Variants in COMMD5 observed in about 807,000 individuals in gnomAD.
COMMD5 encodes the protein COMM domain containing 5.
Under a neutral mutation model 6.9 loss-of-function variants are expected in COMMD5, and 10 were observed. The ratio of observed to expected loss-of-function variants is 1.44; its 90% CI spans 0.89 to 2.45. COMMD5 has a LOEUF of 2.45. COMMD5 is among the 30% of genes most tolerant of loss of function. The pLI, the probability that COMMD5 is intolerant of heterozygous loss-of-function variation, is 0.00. For missense variants in COMMD5, 234 were observed against 287.8 expected, an observed-to-expected ratio of 0.81 and a Z score of 1.35; for synonymous variants, 127 against 125.3, an observed-to-expected ratio of 1.01 and a Z score of -0.09.
chr8:144,845,958 G>C (rs906236410), downstream of COMMD5: 86 of 1,535,552 alleles, frequency 5.6e-5, no homozygotes, highest in Admixed American at 3.7e-4. Context: ...AGGGGTTGCT[G>C]TTGCTTTTTC....
downstream of COMMD5, among the ~76,000 whole-genome samples, chr8:144,849,734 T>A: frequency 6.6e-6 from 1 of 151,836 alleles, no homozygotes; most frequent in Non-Finnish European, 1.5e-5. Flanking sequence ...CCGGGAGAGG[T>A]CCCTGCCACC....
chr8:144,846,096 G>A, downstream of COMMD5: 3 of 1,536,066 alleles, frequency 2.0e-6, no homozygotes, highest in Non-Finnish European at 2.6e-6. Context: ...CCTCCTCCTG[G>A]GCTCTCGTCA....
chr8:144,846,465 T>C, downstream of COMMD5: 1 of 318,876 alleles, frequency 3.1e-6, no homozygotes, highest in Non-Finnish European at 5.9e-6. Flanking sequence ...ATGGAGCCTC[T>C]GGCGGCTTTC....
intron 1 of COMMD5, among the ~76,000 whole-genome samples, chr8:144,851,974 C>T (rs1237388759): frequency 4.0e-5 from 6 of 151,898 alleles, no homozygotes; most frequent in Non-Finnish European, 7.4e-5. Flanking sequence ...CCCGTTTCTA[C>T]AAAAAATTTA....
chr8:144,848,313 G>A (rs921139196), downstream of COMMD5, among the ~76,000 whole-genome samples: 1 of 151,438 alleles, frequency 6.6e-6, no homozygotes, highest in South Asian at 2.1e-4. Flanking sequence ...CAAAAAAAAA[G>A]GAAAATTTCA....
downstream of COMMD5, chr8:144,838,156 C>G (rs1261333620): frequency 2.8e-6 from 2 of 702,800 alleles, no homozygotes; most frequent in African/African-American, 3.5e-5. Context: ...GGATGCGTCC[C>G]TCACTCTGAT....
chr8:144,841,856 A>G, intron 1 of COMMD5: 3 of 1,614,198 alleles, frequency 1.9e-6, no homozygotes, highest in Non-Finnish European at 2.5e-6. Flanking sequence ...GAGAAGCCGT[A>G]CGAATGTGCA....
Position 144,850,482 on chromosome 8 carries a change from GA to G in COMMD5, c.*181del. 15 of 707,658 alleles carry G rather than the reference GA, an allele frequency of 2.1e-5. No homozygotes were observed. Among genetic ancestry groups the G allele is most frequent in the South Asian group, 4.3e-5 (2 of 46,282 alleles). 43.8% of individuals were successfully genotyped at this position (707,658 alleles called of 1,614,324 possible). A position where few individuals can be genotyped will look rare whatever the true frequency, so the allele number is the denominator to read the frequency against. On this transcript the variant is annotated 3_prime_UTR_variant, in exon 2 of 2. Transcript: ENST00000305103. The surrounding 1 kb of genome is among the most constrained non-coding windows in gnomAD (Gnocchi z 4.0). ...TTTTTAGCTGCTTTACTTCCAAAAA[GA>G]AAAAAAGGCATAGCTCTCTTTTTCA...
At chr8:144,841,269 C>A (rs1359347101) in exon 2 of COMMD5, 2 of 1,385,454 alleles carry the variant, frequency 1.4e-6, no homozygotes, top group East Asian at 2.3e-5. Flanking sequence ...ATCCTGGGAG[C>A]CTTGAGCCCT....
chr8:144,849,993 C>T (rs951506945), downstream of COMMD5, among the ~76,000 whole-genome samples: 3 of 152,060 alleles, frequency 2.0e-5, no homozygotes, highest in African/African-American at 7.2e-5. Flanking sequence ...TTAAGCACGT[C>T]AGGCCTCCCC....
downstream of COMMD5, among the ~76,000 whole-genome samples, chr8:144,849,313 G>C (rs1281603650): frequency 6.6e-6 from 1 of 152,174 alleles, no homozygotes. Flanking sequence ...ACAAAGCTGA[G>C]TGATCGACCA....
At chr8:144,841,479 C>A in exon 2 of COMMD5, 1 of 1,614,190 alleles carries the variant, frequency 6.2e-7, no homozygotes, top group Admixed American at 1.7e-5. Context: ...GCTTTGGAGA[C>A]GTTTCTGATT....
chr8:144,842,975 G>A (rs150360233), intron 1 of COMMD5: 14 of 1,614,104 alleles, frequency 8.7e-6, no homozygotes, highest in Non-Finnish European at 1.2e-5. Flanking sequence ...ACCTTTGTGA[G>A]CCGTAAAAAG....
chr8:144,849,930 A>T (rs762286774), downstream of COMMD5, among the ~76,000 whole-genome samples: 12 of 151,970 alleles, frequency 7.9e-5, no homozygotes, highest in Non-Finnish European at 1.5e-4. Flanking sequence ...TACCCTCCCC[A>T]ACGTCGCCTC....
downstream of COMMD5, among the ~76,000 whole-genome samples, chr8:144,839,011 C>T (rs145309816): frequency 4.2e-3 from 560 of 134,644 alleles, 19 homozygotes; most frequent in African/African-American, 0.019. Context: ...GGGGCTGTGA[C>T]CTTACTTCCA....
At chr8:144,853,245 G>A (rs990360061), upstream of COMMD5, 4 of 152,090 alleles carry the variant, frequency 2.6e-5, no homozygotes, top group African/African-American at 9.7e-5. Context: ...GAAAAAGAAG[G>A]CGGTGTTGTG....
chr8:144,851,505 T>G, intron 1 of COMMD5, 110 bp from the exon 2 acceptor site: 1 of 755,498 alleles, frequency 1.3e-6, no homozygotes, highest in Non-Finnish European at 2.1e-6. Flanking sequence ...GAACTACCAA[T>G]GACAGTCAGT....
intron 1 of COMMD5, chr8:144,842,641 C>T: frequency 6.2e-7 from 1 of 1,614,202 alleles, no homozygotes; most frequent in East Asian, 2.2e-5. Flanking sequence ...GAGTTCCAGC[C>T]TTATTTACCA....
At chr8:144,840,416 A>G (rs1005883418), downstream of COMMD5, among the ~76,000 whole-genome samples, 1 of 152,186 alleles carries the variant, frequency 6.6e-6, no homozygotes, top group East Asian at 1.9e-4. Context: ...CTGTGCATTC[A>G]TGTGGGGTAG....
Sources: allele counts gnomAD v4.1 joint callset (sites outside exome capture counted in the v4.1 genomes callset), GRCh38; gene constraint gnomAD v4.1.1; non-coding constraint Gnocchi (gnomAD v3.1); transcripts MANE v1.5; gene names NCBI Gene and HGNC (gene_info 2026-07-23, HGNC 2026-07-21).